The following RTN4 variants were observed in gnomAD, a reference collection of about 807,000 sequenced individuals.
RTN4 encodes reticulon-4.
A neutral mutation model predicts 90.4 loss-of-function variants in RTN4; 32 were observed. That is an observed-to-expected ratio of 0.35 (90% confidence interval 0.27 to 0.48). The LOEUF is 0.48. Ranked by LOEUF, RTN4 falls within the 20% of genes least tolerant of loss-of-function variation. The pLI is 0.99. For missense variants in RTN4, 1,706 were observed against 1,430.2 expected (o/e 1.19, Z -3.11); for synonymous variants, 629 against 552.5 (o/e 1.14, Z -1.94).
At chr2:54,975,710 G>C (rs1371501036) in intron 5 of RTN4, among the ~76,000 whole-genome samples, 1 of 152,098 alleles carries the variant, frequency 6.6e-6, no homozygotes, top group Non-Finnish European at 1.5e-5. Flanking sequence ...TGTATTAAAC[G>C]AACTCTGACT....
chr2:55,116,175 C>G (rs542319654), upstream of RTN4, among the ~76,000 whole-genome samples: 1 of 149,864 alleles, frequency 6.7e-6, no homozygotes, highest in Admixed American at 6.8e-5. Flanking sequence ...GCTATCCTCC[C>G]GCCTGGCCTC....
At chr2:55,083,327 C>T (rs1226232045) in intron 1 of RTN4, among the ~76,000 whole-genome samples, 2 of 152,192 alleles carry the variant, frequency 1.3e-5, no homozygotes, top group Admixed American at 1.3e-4. Context: ...AAAACCCCGT[C>T]TCTACTAAAA....
chr2:54,996,327 A>T lies in RTN4; in HGVS notation c.3014-8629T>A, dbSNP rs940857789. Among the ~76,000 whole-genome samples the T allele has an allele frequency of 1.8e-4, 28 of 152,232 alleles. 1 individual carries two copies. On this transcript the variant is annotated intron_variant, in intron 3 of 8. Coordinates refer to ENST00000337526, the MANE Select transcript of RTN4 (RefSeq NM_020532.5). ...CCCAGCTGTCTTTTAGCGAAAATTG[A>T]CATGCCAATTGCAAAATTCATATGG... is the stretch of plus-strand genomic sequence containing the variant.
intron 3 of RTN4, among the ~76,000 whole-genome samples, chr2:54,990,376 T>C (rs1271218486): frequency 1.3e-5 from 2 of 152,314 alleles, no homozygotes; most frequent in East Asian, 3.9e-4. Context: ...TTGTACCCCA[T>C]AAATATATAC....
intron 1 of RTN4, among the ~76,000 whole-genome samples, chr2:55,101,600 C>T (rs970197764): frequency 1.3e-5 from 2 of 152,088 alleles, no homozygotes; most frequent in African/African-American, 4.8e-5. Flanking sequence ...CACTTTCATT[C>T]ATTAAGCATG....
upstream of RTN4, among the ~76,000 whole-genome samples, chr2:55,052,685 G>A (rs115449194): frequency 6.6e-6 from 1 of 152,102 alleles, no homozygotes; most frequent in Non-Finnish European, 1.5e-5. Context: ...TGAAGTCTTT[G>A]TCAAATATTT....
chr2:55,047,637 C>A lies in RTN4; in HGVS notation c.556+2108G>T, dbSNP rs577278981. ...GAATCACCTCTAACATCCTACAAGG[C>A]TATGAAGATTTCCAAGCAGGCAGTT... is the stretch of plus-strand genomic sequence containing the variant. On this transcript the variant is annotated intron_variant, in intron 1 of 8. Transcript: ENST00000337526. Among the ~76,000 whole-genome samples the A allele has an allele frequency of 3.9e-5, 6 of 152,156 alleles. No homozygotes were observed. In the East Asian group the frequency reaches 9.7e-4, roughly 25 times the overall value.
the RTN4 span, among the ~76,000 whole-genome samples, chr2:55,128,483 G>A: frequency 6.6e-6 from 1 of 152,072 alleles, no homozygotes. Context: ...CTCCACTTGC[G>A]CTTCTCTCCT....
upstream of RTN4, among the ~76,000 whole-genome samples, chr2:55,051,206 C>G (rs1668081418): frequency 6.6e-6 from 1 of 152,196 alleles, no homozygotes; most frequent in African/African-American, 2.4e-5. Context: ...ATTTGAAAGT[C>G]TGCTCTTCTT....
chr2:55,128,711 T>A, the RTN4 span, among the ~76,000 whole-genome samples: 5 of 151,166 alleles, frequency 3.3e-5, no homozygotes, highest in African/African-American at 4.9e-5. Context: ...AAAAGACAAG[T>A]GACATATTAA....
At chr2:55,011,309 G>A (rs1334375836) in intron 3 of RTN4, among the ~76,000 whole-genome samples, 2 of 152,080 alleles carry the variant, frequency 1.3e-5, no homozygotes, top group Non-Finnish European at 2.9e-5. Flanking sequence ...TTACAGGTAT[G>A]AGCCACCACA....
intron 2 of RTN4, among the ~76,000 whole-genome samples, chr2:55,056,208 G>A (rs1353244965): frequency 6.6e-6 from 1 of 152,158 alleles, no homozygotes; most frequent in African/African-American, 2.4e-5. Flanking sequence ...TGTCCCTCAA[G>A]GGAGGTGAAT....
At chr2:54,998,985 T>C (rs1352290744) in intron 3 of RTN4, among the ~76,000 whole-genome samples, 7 of 152,214 alleles carry the variant, frequency 4.6e-5, no homozygotes, top group Non-Finnish European at 8.8e-5. Context: ...ATACAAAATG[T>C]TCATTAAACA....
intron 3 of RTN4, among the ~76,000 whole-genome samples, chr2:55,011,722 A>C (rs774872255): frequency 5.3e-5 from 8 of 152,218 alleles, no homozygotes; most frequent in Non-Finnish European, 1.0e-4. Flanking sequence ...AGACTTAAAC[A>C]TAGAAAGAAC....
At chr2:55,006,287 T>C (rs967848582) in intron 3 of RTN4, among the ~76,000 whole-genome samples, 11 of 152,154 alleles carry the variant, frequency 7.2e-5, no homozygotes, top group African/African-American at 2.7e-4. Flanking sequence ...TGCCTAAATA[T>C]TCGGTTTTAA....
chr2:55,045,513 A>G (rs1169705338), intron 1 of RTN4, among the ~76,000 whole-genome samples: 2 of 152,118 alleles, frequency 1.3e-5, no homozygotes. Flanking sequence ...CTTCCCACCT[A>G]TCTTGAATAT....
At chr2:54,982,462 C>T (rs1351881743) in intron 5 of RTN4, 53 bp downstream of exon 5, 3 of 1,496,776 alleles carry the variant, frequency 2.0e-6, no homozygotes, top group Non-Finnish European at 2.7e-6. Flanking sequence ...ACACTCAACT[C>T]TCTTGATACT....
chr2:55,104,654 T>C (rs2105060364), intron 1 of RTN4, among the ~76,000 whole-genome samples: 1 of 152,118 alleles, frequency 6.6e-6, no homozygotes, highest in East Asian at 1.9e-4. Context: ...CCTGGCCTTG[T>C]TTTTATTTTT....
intron 1 of RTN4, among the ~76,000 whole-genome samples, chr2:55,037,401 T>C (rs574699866): frequency 6.6e-6 from 1 of 152,236 alleles, no homozygotes; most frequent in African/African-American, 2.4e-5. Flanking sequence ...AGTTTCTTCT[T>C]CTTCAGCAAC....
Sources: gnomAD v4.1 joint callset for allele counts (sites outside exome capture counted in the v4.1 genomes callset) on GRCh38, gnomAD v4.1.1 for gene constraint, MANE v1.5 for transcripts, NCBI Gene and HGNC (gene_info 2026-07-23, HGNC 2026-07-21) for gene names.